The following DPP6 variants were observed in gnomAD, a reference collection of about 807,000 sequenced individuals.
DPP6 encodes A-type potassium channel modulatory protein DPP6.
Under a neutral mutation model 122.6 loss-of-function variants are expected in DPP6, and 69 were observed. The observed-to-expected ratio is 0.56, with a 90% CI of 0.46 to 0.69. The LOEUF (loss-of-function observed/expected upper bound fraction) is 0.69, where lower values mean the gene tolerates loss of function less well. Ranked by LOEUF, DPP6 falls within the 30% of genes least tolerant of loss-of-function variation. The pLI, the probability that DPP6 is intolerant of heterozygous loss-of-function variation, is 0.00. For missense variants in DPP6, 928 were observed against 1,116.9 expected (o/e 0.83, Z 2.41); for synonymous variants, 418 against 433.1 (o/e 0.97, Z 0.43).
At chr7:154,190,184 A>T (rs768051563) in intron 1 of DPP6, among the ~76,000 whole-genome samples, 15 of 152,198 alleles carry the variant, frequency 9.9e-5, no homozygotes, top group Non-Finnish European at 1.9e-4. Flanking sequence ...TCACTGATAT[A>T]CTAGGTGCAT....
intron 6 of DPP6, among the ~76,000 whole-genome samples, chr7:154,638,794 T>C (rs1043692426): frequency 5.9e-5 from 9 of 152,210 alleles, no homozygotes; most frequent in African/African-American, 2.2e-4. Context: ...TTTATCTTCA[T>C]TATTTCTTCG....
rs1453037448 is a variant in DPP6, at chr7:154,877,390, AAC to A, written c.2078+1294_2078+1295del. Among the ~76,000 whole-genome samples the A allele has an allele frequency of 7.0e-6, 1 of 142,852 alleles. No homozygotes were observed. The highest frequency in any genetic ancestry group is 1.5e-5 in the Non-Finnish European group (1 of 65,448). The allele number at this position is 142,852 out of a possible 152,430, so 93.7% of individuals were successfully genotyped here. On this transcript the variant is annotated intron_variant, in intron 20 of 25. Transcript: ENST00000377770. This position sits in a 1 kb window ranked among gnomAD's most constrained non-coding sequence, Gnocchi z 5.2. ...TTGCCTGGAAGTCAATGACTACAAC[AAC>A]ACATGTGTGCGTGCACACACACACA...
At chr7:154,056,820 T>C (rs1800861244) in intron 1 of DPP6, among the ~76,000 whole-genome samples, 1 of 152,242 alleles carries the variant, frequency 6.6e-6, no homozygotes, top group Non-Finnish European at 1.5e-5. Context: ...ACTTTACGAT[T>C]TCTTAACTAG....
At chr7:154,718,715 C>A (rs1161241847) in intron 7 of DPP6, among the ~76,000 whole-genome samples, 14 of 147,876 alleles carry the variant, frequency 9.5e-5, no homozygotes, top group Non-Finnish European at 1.5e-5. Flanking sequence ...GCTCAGCTCA[C>A]TGCAACCTCC....
intron 3 of DPP6, among the ~76,000 whole-genome samples, chr7:154,498,150 G>A (rs1824915361): frequency 6.6e-6 from 1 of 152,192 alleles, no homozygotes; most frequent in Non-Finnish European, 1.5e-5. Flanking sequence ...AGTTGATACA[G>A]CTCAGAATAC....
chr7:154,722,387 A>G (rs555126525), intron 7 of DPP6, among the ~76,000 whole-genome samples: 16 of 152,332 alleles, frequency 1.1e-4, no homozygotes, highest in African/African-American at 3.8e-4. Flanking sequence ...CCCACTGTGA[A>G]TGGGAACTCC....
At chr7:153,982,976 C>G (rs1338346153) in intron 1 of DPP6, among the ~76,000 whole-genome samples, 1 of 152,200 alleles carries the variant, frequency 6.6e-6, no homozygotes, top group Non-Finnish European at 1.5e-5. Flanking sequence ...TATGAGGTGT[C>G]TATCGACCTC....
At chr7:154,306,198 G>C (rs762266315) in intron 1 of DPP6, among the ~76,000 whole-genome samples, 2 of 152,190 alleles carry the variant, frequency 1.3e-5, no homozygotes, top group African/African-American at 2.4e-5. Context: ...GGAAGGCTGC[G>C]TGGGTCCCAC....
At chr7:154,824,545 C>CTGGG (rs1355287194) in intron 16 of DPP6, among the ~76,000 whole-genome samples, 1 of 152,238 alleles carries the variant, frequency 6.6e-6, no homozygotes, top group Non-Finnish European at 1.5e-5. Flanking sequence ...TCCCAGAGTG[C>CTGGG]TGGGATTACA....
At chr7:153,815,367 A>AT in the DPP6 span, among the ~76,000 whole-genome samples, 16 of 150,890 alleles carry the variant, frequency 1.1e-4, no homozygotes, top group East Asian at 3.9e-4. Flanking sequence ...TGGTGAGGAA[A>AT]TTTTTTTTTT....
chr7:153,930,414 C>T (rs1801116930), intron 1 of DPP6, among the ~76,000 whole-genome samples: 1 of 152,140 alleles, frequency 6.6e-6, no homozygotes, highest in African/African-American at 2.4e-5. Flanking sequence ...CCAGCATCCT[C>T]TGATGTTCTC....
intron 1 of DPP6, among the ~76,000 whole-genome samples, chr7:154,259,039 C>T (rs974217339): frequency 6.6e-6 from 1 of 152,178 alleles, no homozygotes; most frequent in South Asian, 2.1e-4. Flanking sequence ...TGAAATCGGA[C>T]GGAAGTAACA....
the DPP6 span, among the ~76,000 whole-genome samples, chr7:153,805,082 T>A: frequency 6.6e-6 from 1 of 152,152 alleles, no homozygotes; most frequent in African/African-American, 2.4e-5. Flanking sequence ...TTTCAGCTTA[T>A]TAACAAAATT....
intron 1 of DPP6, among the ~76,000 whole-genome samples, chr7:154,176,064 A>G (rs1797788680): frequency 1.3e-5 from 2 of 152,280 alleles, no homozygotes; most frequent in South Asian, 4.1e-4. Flanking sequence ...TGAAGTGGAT[A>G]CATATTTTGT....
intron 1 of DPP6, among the ~76,000 whole-genome samples, chr7:154,220,076 A>G (rs1388180640): frequency 6.6e-6 from 1 of 152,196 alleles, no homozygotes; most frequent in Non-Finnish European, 1.5e-5. Flanking sequence ...CCGGTTTGCT[A>G]GACTTGTGCT....
intron 1 of DPP6, among the ~76,000 whole-genome samples, chr7:154,181,750 T>TC (rs1490570063): frequency 7.5e-5 from 9 of 119,880 alleles, no homozygotes; most frequent in East Asian, 4.5e-4. Context: ...CATCTCCCTC[T>TC]TTTTTTTTTT....
At chr7:153,861,866 G>A in the DPP6 span, among the ~76,000 whole-genome samples, 1 of 152,162 alleles carries the variant, frequency 6.6e-6, no homozygotes, top group African/African-American at 2.4e-5. Context: ...AACCCAAACG[G>A]CAATTTAGTG....
intron 1 of DPP6, among the ~76,000 whole-genome samples, chr7:154,296,821 T>G (rs937255490): frequency 2.0e-5 from 3 of 152,226 alleles, no homozygotes; most frequent in African/African-American, 7.2e-5. Context: ...TGTAGGAGAT[T>G]CTAGTTCCTT....
chr7:153,967,830 A>G (rs28655470), intron 1 of DPP6, among the ~76,000 whole-genome samples: 15,678 of 151,924 alleles, frequency 0.1, 1,402 homozygotes, highest in African/African-American at 0.25. Context: ...TTAAAGATAT[A>G]GATAGAGGAC....
Sources: allele counts gnomAD v4.1 joint callset (sites outside exome capture counted in the v4.1 genomes callset), GRCh38; gene constraint gnomAD v4.1.1; non-coding constraint Gnocchi (gnomAD v3.1); transcripts MANE v1.5; gene names NCBI Gene and HGNC (gene_info 2026-07-23, HGNC 2026-07-21).